MARCHF1: variants seen among roughly 807,000 people sequenced by gnomAD.
MARCHF1 encodes the protein membrane associated ring-CH-type finger 1, also known as E3 ubiquitin-protein ligase MARCHF1.
MARCHF1 carries 40 observed loss-of-function variants against 54.2 expected under a neutral mutation model. That is an observed-to-expected ratio of 0.74 (90% CI 0.57 to 0.96). The LOEUF (loss-of-function observed/expected upper bound fraction) is 0.96. Ranked by LOEUF, MARCHF1 falls within the 40% of genes least tolerant of loss-of-function variation. The probability of loss-of-function intolerance (pLI) is 0.00; values close to 1 mark genes in which losing one functional copy is unlikely to be tolerated. For synonymous variants in MARCHF1, 236 were observed against 236.3 expected, an observed-to-expected ratio of 1.00 and a Z score of 0.01; for missense variants, 586 against 656.5, an observed-to-expected ratio of 0.89 and a Z score of 1.17.
At chr4:164,351,955 G>A (rs371413550) in intron 1 of MARCHF1, among the ~76,000 whole-genome samples, 351 of 146,684 alleles carry the variant, frequency 2.4e-3, no homozygotes, top group African/African-American at 8.1e-3. Context: ...CGAGAACTAC[G>A]TGAAGAATGC....
chr4:164,167,952 G>A (rs1343736504), intron 1 of MARCHF1, among the ~76,000 whole-genome samples: 7 of 151,852 alleles, frequency 4.6e-5, no homozygotes, highest in Admixed American at 4.6e-4. Flanking sequence ...CTTTTGTACA[G>A]CAAAGGAAAT....
chr4:164,097,369 A>G (rs910485314), intron 2 of MARCHF1, among the ~76,000 whole-genome samples: 5 of 152,184 alleles, frequency 3.3e-5, no homozygotes. Flanking sequence ...ATGACTAGTC[A>G]GTAAACCACA....
intron 1 of MARCHF1, among the ~76,000 whole-genome samples, chr4:164,214,355 G>A (rs1357687515): frequency 2.0e-5 from 3 of 152,024 alleles, no homozygotes; most frequent in Non-Finnish European, 4.4e-5. Context: ...AAACCATGTT[G>A]TACTTGCAAG....
At chr4:164,251,829 G>C (rs929782304) in intron 1 of MARCHF1, among the ~76,000 whole-genome samples, 5 of 152,012 alleles carry the variant, frequency 3.3e-5, no homozygotes, top group Admixed American at 6.6e-5. Flanking sequence ...AAACAAAAAG[G>C]ATAACTGACA....
intron 1 of MARCHF1, among the ~76,000 whole-genome samples, chr4:164,238,764 GT>G (rs1274072724): frequency 9.2e-5 from 14 of 151,818 alleles, no homozygotes; most frequent in Admixed American, 6.6e-5. Flanking sequence ...CCAAACTCTT[GT>G]CAATTTTGCC....
chr4:163,618,092 G>A (rs933903080), intron 5 of MARCHF1, among the ~76,000 whole-genome samples: 2 of 152,110 alleles, frequency 1.3e-5, no homozygotes, highest in Non-Finnish European at 2.9e-5. Flanking sequence ...TATTTTGAAG[G>A]GAATGGAAAA....
At chr4:163,804,766 T>C (rs17044176) in intron 4 of MARCHF1, among the ~76,000 whole-genome samples, 7,074 of 152,200 alleles carry the variant, frequency 0.046, 216 homozygotes, top group African/African-American at 0.084. Flanking sequence ...ATTAAAACCA[T>C]AAAACTGTAG....
intron 4 of MARCHF1, among the ~76,000 whole-genome samples, chr4:163,733,805 C>T (rs868787323): frequency 6.6e-6 from 1 of 151,924 alleles, no homozygotes; most frequent in Non-Finnish European, 1.5e-5. Context: ...TAAAAGAAAA[C>T]AATAATAAGC....
rs183703394 is a variant in MARCHF1 at position 163,949,273 on chromosome 4, A to C, written c.-39+39228T>G. On this transcript the variant is annotated intron_variant, in intron 3 of 9. Coordinates refer to ENST00000514618, the MANE Select transcript of MARCHF1 (RefSeq NM_001394959.1). ...AGGTGCCAGCTCCCTGTGAGGCTGC[A>C]GATGGACCAGGAGCACTGCAAACGG... 3.0e-4 allele frequency among the ~76,000 whole-genome samples: 46 copies of C among 152,334 alleles called. 1 individual carries two copies. In the East Asian group the frequency reaches 8.1e-3, roughly 27 times the overall value.
intron 1 of MARCHF1, among the ~76,000 whole-genome samples, chr4:164,248,546 C>T (rs1008544846): frequency 6.6e-6 from 1 of 152,018 alleles, no homozygotes; most frequent in Non-Finnish European, 1.5e-5. Flanking sequence ...GACATATTCT[C>T]AAGCAGCTTC....
intron 1 of MARCHF1, among the ~76,000 whole-genome samples, chr4:164,292,801 T>C (rs1029480991): frequency 6.6e-6 from 1 of 152,214 alleles, no homozygotes; most frequent in African/African-American, 2.4e-5. Flanking sequence ...TTTTAATATA[T>C]GTTGTTAAAT....
intron 3 of MARCHF1, among the ~76,000 whole-genome samples, chr4:163,942,502 G>C (rs1461289165): frequency 6.6e-6 from 1 of 152,166 alleles, no homozygotes; most frequent in Non-Finnish European, 1.5e-5. Flanking sequence ...GATGAAATAA[G>C]TGACTGATTA....
intron 3 of MARCHF1, among the ~76,000 whole-genome samples, chr4:163,886,990 T>A (rs990809457): frequency 6.6e-6 from 1 of 152,176 alleles, no homozygotes; most frequent in Admixed American, 6.6e-5. Context: ...CAGAAACCTC[T>A]CTTGAGCTCT....
At chr4:164,149,511 G>T (rs1006195247) in intron 1 of MARCHF1, among the ~76,000 whole-genome samples, 1 of 151,998 alleles carries the variant, frequency 6.6e-6, no homozygotes, top group South Asian at 2.1e-4. Context: ...ATAACATATC[G>T]GCTTTCTCGA....
At chr4:164,142,016 A>G (rs533058057) in intron 1 of MARCHF1, among the ~76,000 whole-genome samples, 4 of 152,298 alleles carry the variant, frequency 2.6e-5, no homozygotes, top group Admixed American at 1.3e-4. Context: ...CAGGAAGCAC[A>G]AGGGGTCAGG....
At chr4:164,298,769 G>A (rs1734476364) in intron 1 of MARCHF1, among the ~76,000 whole-genome samples, 1 of 152,088 alleles carries the variant, frequency 6.6e-6, no homozygotes, top group Non-Finnish European at 1.5e-5. Flanking sequence ...TCTTCTGAGA[G>A]TGTCTCTAGA....
chr4:163,748,609 T>C (rs6857627), intron 4 of MARCHF1, among the ~76,000 whole-genome samples: 14,445 of 152,116 alleles, frequency 0.095, 1,279 homozygotes, highest in African/African-American at 0.23. Context: ...TAAGACAGCA[T>C]TTATGTATGG....
intron 4 of MARCHF1, among the ~76,000 whole-genome samples, chr4:163,741,709 T>C (rs1451596241): frequency 6.6e-6 from 1 of 152,200 alleles, no homozygotes; most frequent in Admixed American, 6.5e-5. Flanking sequence ...CCCTGTGGAA[T>C]TCTGTCTCAC....
At position 163,848,821 on chromosome 4, in the gene MARCHF1, C is replaced by T. The variant is rs181084165; in HGVS notation, c.111+5200G>A. Among the ~76,000 whole-genome samples the T allele has an allele frequency of 4.6e-3, 704 of 152,082 alleles. 3 individuals are homozygous for T. Among genetic ancestry groups the T allele is most frequent in the Middle Eastern group, 0.034 (10 of 294 alleles). On this transcript the variant is annotated intron_variant, in intron 4 of 9. Transcript: ENST00000514618. ...AGATTTTCAGCTCAATAAATATATTCCGAATTTAAAACACAGGTAGTATAA... is the reference window on the plus strand; with the variant it reads ...AGATTTTCAGCTCAATAAATATATTTCGAATTTAAAACACAGGTAGTATAA...
Sources: gnomAD v4.1 joint callset for allele counts (sites outside exome capture counted in the v4.1 genomes callset) on GRCh38, gnomAD v4.1.1 for gene constraint, MANE v1.5 for transcripts, NCBI Gene and HGNC (gene_info 2026-07-23, HGNC 2026-07-21) for gene names.